The following SHCBP1L variants were observed in gnomAD, a reference collection of about 807,000 sequenced individuals.
The protein encoded by SHCBP1L is testicular spindle-associated protein SHCBP1L.
Under a neutral mutation model 62.5 loss-of-function variants are expected in SHCBP1L, and 67 were observed. The ratio of observed to expected loss-of-function variants is 1.07; its 90% CI spans 0.88 to 1.31. The LOEUF (loss-of-function observed/expected upper bound fraction) is 1.31, where lower values mean the gene tolerates loss of function less well. Among genes scored for constraint, SHCBP1L ranks in the 40% most tolerant of loss-of-function variants. The pLI is 0.00. For synonymous variants in SHCBP1L, 284 were observed against 289.4 expected (o/e 0.98, Z 0.19); for missense variants, 823 against 809.8 (o/e 1.02, Z -0.20).
At chr1:182,912,503 T>C (rs1383440789) in intron 6 of SHCBP1L, among the ~76,000 whole-genome samples, 2 of 151,922 alleles carry the variant, frequency 1.3e-5, no homozygotes, top group Admixed American at 1.3e-4. Context: ...ACACACCTTT[T>C]CATCTGTATC....
At chr1:182,924,701 G>GAAAGGA (rs1553245889) in intron 6 of SHCBP1L, among the ~76,000 whole-genome samples, 1 of 33,396 alleles carries the variant, frequency 3.0e-5, no homozygotes, top group African/African-American at 1.2e-4. Flanking sequence ...GAAAGGAAAG[G>GAAAGGA]AAGAAAGAAA....
intron 5 of SHCBP1L, among the ~76,000 whole-genome samples, chr1:182,930,500 C>A (rs1650932939): frequency 1.5e-5 from 2 of 137,170 alleles, no homozygotes; most frequent in Admixed American, 7.6e-5. Context: ...GCATTCTCTG[C>A]TGCACTTTGA....
At chr1:182,917,566 C>T (rs1650393830) in intron 6 of SHCBP1L, among the ~76,000 whole-genome samples, 1 of 152,036 alleles carries the variant, frequency 6.6e-6, no homozygotes, top group Admixed American at 6.6e-5. Flanking sequence ...TCTTACAGTT[C>T]TGGAGGATGG....
chr1:182,924,974 G>GAGAAAGAAAGA (rs1650688581), intron 6 of SHCBP1L, among the ~76,000 whole-genome samples: 1 of 109,512 alleles, frequency 9.1e-6, no homozygotes, highest in Non-Finnish European at 1.8e-5. Context: ...AAGAAAGAAA[G>GAGAAAGAAAGA]AAAAAAAAAG....
Position 182,902,965 on chromosome 1 carries a change from T to A in SHCBP1L, c.1710+74A>T, listed in dbSNP as rs1649888588. 7.3e-6 allele frequency: 9 copies of A among 1,231,324 alleles called. No individual in the cohort carries two copies. The South Asian group carries it at 1.4e-4, about 20-fold the overall frequency. The allele number at this position is 1,231,324 out of a possible 1,614,324, so 76.3% of individuals were successfully genotyped here. A position where few individuals can be genotyped will look rare whatever the true frequency, so the allele number is the denominator to read the frequency against. On this transcript the variant is annotated intron_variant, in intron 9 of 9. Transcript: ENST00000367547. ...TAATATGTAGACTGCCTTTTAAGACTAAAACTAATATTTTAGTACTTATAA... is the reference window on the plus strand; with the variant it reads ...TAATATGTAGACTGCCTTTTAAGACAAAAACTAATATTTTAGTACTTATAA...
intron 2 of SHCBP1L, among the ~76,000 whole-genome samples, chr1:182,944,121 A>AAAATAAATAAATAAAT (rs147108848): frequency 0.29 from 39,147 of 133,760 alleles, 8,419 homozygotes; most frequent in East Asian, 0.65. Context: ...ACTACTTCTC[A>AAAATAAATAAATAAAT]AAATAAATAA....
rs1649939809 is a variant in SHCBP1L at position 182,904,407 on chromosome 1, T to C, written c.1360A>G (p.Met454Val). The change falls in exon 8 of 10, where the codon ATG becomes GTG. Residue 454 changes from methionine (M) to valine (V), a missense_variant. By Grantham distance (21) the Met-to-Val change is conservative. Coordinates refer to ENST00000367547, the MANE Select transcript of SHCBP1L (RefSeq NM_030933.4). ...TCACGAGAAGGTTCAGAAGTAATCATAATTTCCTCTCTCTTTCCAACTCCT... is the reference window on the plus strand; with the variant it reads ...TCACGAGAAGGTTCAGAAGTAATCACAATTTCCTCTCTCTTTCCAACTCCT... Reference protein sequence around the residue: ...IKGVGKREEIMITSEPSRDSF... With the variant: ...IKGVGKREEIVITSEPSRDSF... 4.3e-6 allele frequency: 7 copies of C among 1,614,036 alleles called. No individual in the cohort carries two copies. The highest frequency in any genetic ancestry group is 1.1e-5 in the South Asian group (1 of 91,072).
chr1:182,924,797 A>AGAGAGAAAGGAAGG lies in SHCBP1L; in HGVS notation c.1182+4849_1182+4850insCCTTCCTTTCTCTC, dbSNP rs1557996930. ...GAAAGAAAGAAAGAAAGAGAGAAAG[A>AGAGAGAAAGGAAGG]AAGGAAGGAAGGAAGGAGGGAAGAG... On this transcript the variant is annotated intron_variant, in intron 6 of 9. Transcript: ENST00000367547. Among the ~76,000 whole-genome samples, 175 of 122,742 alleles carry AGAGAGAAAGGAAGG rather than the reference A, an allele frequency of 1.4e-3. 9 individuals are homozygous for AGAGAGAAAGGAAGG. The highest frequency in any genetic ancestry group is 6.4e-3 in the African/African-American group (146 of 22,704). The allele number at this position is 122,742 out of a possible 152,430, so 80.5% of individuals were successfully genotyped here.
intron 5 of SHCBP1L, among the ~76,000 whole-genome samples, chr1:182,934,881 A>G (rs1212078608): frequency 6.6e-6 from 1 of 152,146 alleles, no homozygotes. Flanking sequence ...GGATATAGAT[A>G]TTCAATTATT....
chr1:182,916,657 T>C (rs951582532), intron 6 of SHCBP1L, among the ~76,000 whole-genome samples: 12 of 152,150 alleles, frequency 7.9e-5, no homozygotes, highest in Admixed American at 2.6e-4. Flanking sequence ...TACAAATTCC[T>C]AGAAACACAC....
intron 2 of SHCBP1L, chr1:182,941,996 T>C: frequency 2.0e-6 from 2 of 1,015,864 alleles, no homozygotes; most frequent in South Asian, 1.4e-5. Flanking sequence ...TAAAAATGTT[T>C]CTAGAGCTAC....
At chr1:182,904,041 T>C (rs1649923071) in intron 8 of SHCBP1L, 139 bp downstream of exon 8, 7 of 1,004,434 alleles carry the variant, frequency 7.0e-6, no homozygotes, top group Middle Eastern at 2.3e-4. Flanking sequence ...ACTCATTTTG[T>C]TGATGTCTAC....
intron 6 of SHCBP1L, among the ~76,000 whole-genome samples, chr1:182,910,362 GCT>G (rs1650139667): frequency 6.6e-6 from 1 of 152,162 alleles, no homozygotes; most frequent in Admixed American, 6.5e-5. Context: ...GGTGTAGCTT[GCT>G]GGTGCCAGCA....
intron 5 of SHCBP1L, among the ~76,000 whole-genome samples, chr1:182,937,651 A>G (rs1277709907): frequency 1.3e-5 from 2 of 152,170 alleles, no homozygotes; most frequent in Non-Finnish European, 2.9e-5. Flanking sequence ...ACAATTACAC[A>G]TATGTTAACA....
At chr1:182,943,860 C>T (rs1050870438) in intron 2 of SHCBP1L, among the ~76,000 whole-genome samples, 2 of 151,854 alleles carry the variant, frequency 1.3e-5, no homozygotes, top group Non-Finnish European at 2.9e-5. Context: ...TGGCTCACGC[C>T]TGTAATCCCA....
intron 6 of SHCBP1L, among the ~76,000 whole-genome samples, chr1:182,909,291 C>T (rs1650106955): frequency 6.6e-6 from 1 of 151,952 alleles, no homozygotes; most frequent in Admixed American, 6.6e-5. Flanking sequence ...GAATATAGGA[C>T]CTGACTAGAC....
intron 2 of SHCBP1L, among the ~76,000 whole-genome samples, chr1:182,944,096 G>C (rs1480075174): frequency 8.0e-6 from 1 of 124,960 alleles, no homozygotes; most frequent in Non-Finnish European, 1.6e-5. Context: ...ACTCCAGCCT[G>C]GGCAACAGAG....
intron 2 of SHCBP1L, among the ~76,000 whole-genome samples, chr1:182,946,257 C>T (rs1045655623): frequency 6.6e-6 from 1 of 152,048 alleles, no homozygotes; most frequent in Non-Finnish European, 1.5e-5. Flanking sequence ...TTCTGAGAAA[C>T]CTTTACAATT....
chr1:182,917,505 G>T (rs1571342309), intron 6 of SHCBP1L, among the ~76,000 whole-genome samples: 1 of 152,102 alleles, frequency 6.6e-6, no homozygotes, highest in Admixed American at 6.5e-5. Context: ...CGGCCTCCCA[G>T]AGTGCTAGGA....
Sources: allele counts gnomAD v4.1 joint callset (sites outside exome capture counted in the v4.1 genomes callset), GRCh38; gene constraint gnomAD v4.1.1; transcripts MANE v1.5; gene names NCBI Gene and HGNC (gene_info 2026-07-23, HGNC 2026-07-21).